The following NEBL variants were observed in gnomAD, a reference collection of about 807,000 sequenced individuals.
NEBL encodes the protein LIM and SH3 protein 2.
In NEBL, 122 loss-of-function variants were observed where a neutral mutation model predicts 140.2. That is an observed-to-expected ratio of 0.87 (90% CI 0.75 to 1.01). NEBL has a LOEUF of 1.01. NEBL is among the 50% of genes least tolerant of loss of function. The pLI, the probability that NEBL is intolerant of heterozygous loss-of-function variation, is 0.00. For synonymous variants in NEBL, 436 were observed against 398.9 expected, an observed-to-expected ratio of 1.09 and a Z score of -1.11; for missense variants, 1,365 against 1,231.3, an observed-to-expected ratio of 1.11 and a Z score of -1.62.
chr10:20,936,225 G>C lies in NEBL; in HGVS notation c.357+25447C>G, dbSNP rs545221386. Among the ~76,000 whole-genome samples the C allele has an allele frequency of 6.6e-5, 10 of 152,172 alleles. No homozygotes were observed. In the South Asian group the frequency reaches 2.1e-3, roughly 32 times the overall value. On this transcript the variant is annotated intron_variant, in intron 4 of 6. Coordinates refer to the NEBL transcript ENST00000417816. Reference sequence around the variant, plus strand: ...AATATTTAATTCTCATAAAAACTCTGCAAATATTTTCATTTCCATTTTACA... The same window carrying C: ...AATATTTAATTCTCATAAAAACTCTCCAAATATTTTCATTTCCATTTTACA...
At chr10:20,942,245 A>G (rs932094480) in intron 4 of NEBL, among the ~76,000 whole-genome samples, 2 of 152,242 alleles carry the variant, frequency 1.3e-5, no homozygotes, top group African/African-American at 4.8e-5. Context: ...ACAGTGATAT[A>G]GACAAATGGA....
chr10:21,031,009 G>T (rs1380677644), intron 2 of NEBL, among the ~76,000 whole-genome samples: 1 of 152,192 alleles, frequency 6.6e-6, no homozygotes. Context: ...GGAGGAAAAA[G>T]CGTGATGCCC....
At chr10:20,868,517 T>C (rs1207253668) in intron 7 of NEBL, 147 bp downstream of exon 7, 3 of 704,000 alleles carry the variant, frequency 4.3e-6, no homozygotes, top group Non-Finnish European at 7.7e-6. Context: ...TTCATAATGA[T>C]TGCAAGCCCA....
At chr10:21,069,366 G>A (rs1292775037) in intron 2 of NEBL, among the ~76,000 whole-genome samples, 3 of 152,154 alleles carry the variant, frequency 2.0e-5, no homozygotes, top group Non-Finnish European at 4.4e-5. Context: ...GTTCTCCCAT[G>A]CACCATGTCA....
At chr10:21,088,126 C>T (rs1210131108) in intron 2 of NEBL, among the ~76,000 whole-genome samples, 7 of 152,214 alleles carry the variant, frequency 4.6e-5, no homozygotes, top group Non-Finnish European at 8.8e-5. Flanking sequence ...TCTACATTCT[C>T]ACCCTGGGGC....
chr10:20,809,944 A>T, intron 24 of NEBL, 46 bp from the exon 25 acceptor site: 1 of 1,281,344 alleles, frequency 7.8e-7, no homozygotes, highest in East Asian at 2.4e-5. Flanking sequence ...AAGGAATTTA[A>T]AAAAGGAAAA....
intron 2 of NEBL, among the ~76,000 whole-genome samples, chr10:21,162,087 A>G (rs757743683): frequency 1.3e-5 from 2 of 152,222 alleles, no homozygotes; most frequent in Non-Finnish European, 2.9e-5. Flanking sequence ...TCATGCCTAC[A>G]TAATGAAACC....
intron 2 of NEBL, among the ~76,000 whole-genome samples, chr10:21,101,852 G>T (rs1837494569): frequency 6.6e-6 from 1 of 152,202 alleles, no homozygotes; most frequent in South Asian, 2.1e-4. Context: ...TACCAAGAAA[G>T]TGAAGCACTT....
At chr10:21,208,964 CTCG>C (rs1446880980) in intron 3 of NEBL, among the ~76,000 whole-genome samples, 10 of 152,174 alleles carry the variant, frequency 6.6e-5, no homozygotes, top group African/African-American at 2.4e-4. Context: ...ACTATGGTGA[CTCG>C]GCCAAATAAG....
At chr10:20,840,369 G>A (rs1449926726) in intron 13 of NEBL, among the ~76,000 whole-genome samples, 3 of 152,068 alleles carry the variant, frequency 2.0e-5, no homozygotes, top group Non-Finnish European at 4.4e-5. Flanking sequence ...GGCAAGACTG[G>A]GAGAGTCAGT....
chr10:20,880,734 A>T, intron 5 of NEBL, 60 bp downstream of exon 5: 1 of 1,222,588 alleles, frequency 8.2e-7, no homozygotes, highest in South Asian at 1.2e-5. Flanking sequence ...AAATAAACAT[A>T]AGCCCTAATA....
chr10:21,237,987 G>A (rs1412404251), intron 3 of NEBL, among the ~76,000 whole-genome samples: 1 of 152,128 alleles, frequency 6.6e-6, no homozygotes, highest in African/African-American at 2.4e-5. Flanking sequence ...ATAAACCTTT[G>A]AGCAAACAGA....
rs142832161 is a variant in NEBL at position 20,968,507 on chromosome 10, T to C, written c.250-6728A>G. ...GCCTGGGCAACAGAGCAAGACCCCA[T>C]CTCTAAAATAATTAAATACATACAT... On this transcript the variant is annotated intron_variant, in intron 3 of 6. Coordinates refer to the NEBL transcript ENST00000417816. Among the ~76,000 whole-genome samples the C allele has an allele frequency of 5.2e-3, 790 of 152,082 alleles. 8 individuals are homozygous for C. The highest frequency in any genetic ancestry group is 0.018 in the African/African-American group (750 of 41,514).
intron 3 of NEBL, among the ~76,000 whole-genome samples, chr10:20,968,235 T>A (rs1836413022): frequency 6.6e-6 from 1 of 151,960 alleles, no homozygotes; most frequent in South Asian, 2.1e-4. Context: ...CCAGGCACCG[T>A]GGCTCCTGCC....
chr10:21,220,027 C>G (rs112502451), intron 3 of NEBL, among the ~76,000 whole-genome samples: 1 of 152,192 alleles, frequency 6.6e-6, no homozygotes, highest in Admixed American at 6.5e-5. Context: ...ATTCTCCTAC[C>G]TCAGCCTCCC....
At chr10:21,283,602 G>A (rs1843018745) in intron 1 of NEBL, among the ~76,000 whole-genome samples, 1 of 152,066 alleles carries the variant, frequency 6.6e-6, no homozygotes, top group African/African-American at 2.4e-5. Flanking sequence ...AGGTTATAGA[G>A]TACATATATT....
At chr10:20,858,976 G>A (rs1016573260) in intron 8 of NEBL, among the ~76,000 whole-genome samples, 2 of 152,072 alleles carry the variant, frequency 1.3e-5, no homozygotes, top group African/African-American at 4.8e-5. Context: ...TTAGATCCAA[G>A]CAATCTGACT....
In NEBL at chr10:21,265,143, G is replaced by C. The variant is rs1842784228; in HGVS notation, n.183-13315C>G. Among the ~76,000 whole-genome samples the C allele has an allele frequency of 2.0e-5, 3 of 151,856 alleles. No homozygotes were observed. The South Asian group carries it at 6.2e-4, about 32-fold the overall frequency. ...TTACCATGTTGGCCAGGCTGGTCTTGAACTCCTGACCTCAGGTGATCCACC... is the reference window on the plus strand; with the variant it reads ...TTACCATGTTGGCCAGGCTGGTCTTCAACTCCTGACCTCAGGTGATCCACC... On this transcript the variant is annotated intron_variant and non_coding_transcript_variant, in intron 1 of 8. Coordinates refer to the NEBL transcript ENST00000675702.
intron 2 of NEBL, among the ~76,000 whole-genome samples, chr10:21,159,766 G>A (rs1840478748): frequency 6.6e-6 from 1 of 152,038 alleles, no homozygotes; most frequent in Non-Finnish European, 1.5e-5. Context: ...TCACCTCCTA[G>A]ACATGTTTCT....
Sources: allele counts gnomAD v4.1 joint callset (sites outside exome capture counted in the v4.1 genomes callset), GRCh38; gene constraint gnomAD v4.1.1; transcripts MANE v1.5; gene names NCBI Gene and HGNC (gene_info 2026-07-23, HGNC 2026-07-21).